The following GALNT18 variants were observed in gnomAD, a reference collection of about 807,000 sequenced individuals.
GALNT18 encodes the protein GalNAc-transferase 18.
In GALNT18, 44 loss-of-function variants were observed where a neutral mutation model predicts 69.5. The ratio of observed to expected loss-of-function variants is 0.63; its 90% confidence interval spans 0.50 to 0.81. The LOEUF (loss-of-function observed/expected upper bound fraction) is 0.81. Ranked by LOEUF, GALNT18 falls within the 40% of genes least tolerant of loss-of-function variation. The pLI is 0.00. For missense variants in GALNT18, 715 were observed against 810.0 expected (o/e 0.88, Z 1.42); for synonymous variants, 364 against 318.2 (o/e 1.14, Z -1.53).
At position 11,462,296 on chromosome 11, in the gene GALNT18, C is replaced by A. The variant is rs1173450097; in HGVS notation, c.236-13360G>T. 2.2e-5 allele frequency among the ~76,000 whole-genome samples: 3 copies of A among 138,230 alleles called. No individual in the cohort carries two copies. The Middle Eastern group carries it at 0.011, about 512-fold the overall frequency. The allele number at this position is 138,230 out of a possible 152,430, so 90.7% of individuals were successfully genotyped here. On this transcript the variant is annotated intron_variant, in intron 1 of 10. Coordinates refer to ENST00000227756, the MANE Select transcript of GALNT18 (RefSeq NM_198516.3). ...TTTCTTTTTTTTTTTTTTTCCTTTG[C>A]GATGGAGTCTTGCTCTGTCGCCCAG... is the stretch of plus-strand genomic sequence containing the variant.
intron 3 of GALNT18, among the ~76,000 whole-genome samples, chr11:11,380,798 G>A (rs1182044430): frequency 6.6e-6 from 1 of 152,174 alleles, no homozygotes; most frequent in Non-Finnish European, 1.5e-5. Flanking sequence ...TTCTTTGGAG[G>A]TCAAAGTGTT....
At position 11,546,473 on chromosome 11, in the gene GALNT18, A is replaced by T. The variant is rs898496068; in HGVS notation, c.235+74886T>A. Among the ~76,000 whole-genome samples the T allele has an allele frequency of 1.3e-5, 2 of 152,202 alleles. No individual in the cohort carries two copies. The highest frequency in any genetic ancestry group is 4.1e-4 in the South Asian group (2 of 4,828). ...ACTTGAGGACATCCCAGCGCTTATC[A>T]TCTCAGAACCTACAATCCCGTCTCT... On this transcript the variant is annotated intron_variant, in intron 1 of 10. Coordinates refer to ENST00000227756, the MANE Select transcript of GALNT18 (RefSeq NM_198516.3). This position sits in a 1 kb window ranked among gnomAD's most constrained non-coding sequence, Gnocchi z 5.8.
rs772358237 is a variant in GALNT18 at position 11,543,379 on chromosome 11, G to A, written c.235+77980C>T. On this transcript the variant is annotated intron_variant, in intron 1 of 10. Transcript: ENST00000227756. This position sits in a 1 kb window ranked among gnomAD's most constrained non-coding sequence, Gnocchi z 5.1. ...CCACCTCAGCTGGAGTGACAGGGAC[G>A]TGGTGAGGACAAAGGAGCCTCGATG... 2.0e-4 allele frequency among the ~76,000 whole-genome samples: 30 copies of A among 152,176 alleles called. No individual in the cohort carries two copies. Among genetic ancestry groups the A allele is most frequent in the African/African-American group, 4.1e-4 (17 of 41,448 alleles).
At position 11,320,011 on chromosome 11, in the gene GALNT18, C is replaced by G. The variant is rs1427362107; in HGVS notation, c.1512+7075G>C. Among the ~76,000 whole-genome samples the G allele has an allele frequency of 6.6e-6, 1 of 152,060 alleles. No individual in the cohort carries two copies. Among genetic ancestry groups the G allele is most frequent in the Non-Finnish European group, 1.5e-5 (1 of 68,014 alleles). ...CAAAGTTAGTACTACTATATTCTCT[C>G]TTATGCTGCTACAAGCCAAGGGACC... On this transcript the variant is annotated intron_variant, in intron 9 of 10. Coordinates refer to ENST00000227756, the MANE Select transcript of GALNT18 (RefSeq NM_198516.3). This position sits in a 1 kb window ranked among gnomAD's most constrained non-coding sequence, Gnocchi z 4.9.
chr11:11,510,538 C>T (rs773425508), intron 1 of GALNT18, among the ~76,000 whole-genome samples: 1 of 152,222 alleles, frequency 6.6e-6, no homozygotes, highest in Non-Finnish European at 1.5e-5. Context: ...ATGCAAGGCA[C>T]TCATGCCTTT....
chr11:11,317,772 A>T (rs145583165), intron 9 of GALNT18, among the ~76,000 whole-genome samples: 1 of 152,200 alleles, frequency 6.6e-6, no homozygotes, highest in Non-Finnish European at 1.5e-5. Context: ...TTGCCAGACC[A>T]AGCTTCTTCT....
chr11:11,473,544 T>TGATG (rs148629647), intron 1 of GALNT18, among the ~76,000 whole-genome samples: 2 of 152,074 alleles, frequency 1.3e-5, no homozygotes, highest in Non-Finnish European at 2.9e-5. Context: ...GATGGCAGAG[T>TGATG]GTGCAGACGG....
At chr11:11,417,106 T>C (rs1375243487) in intron 3 of GALNT18, among the ~76,000 whole-genome samples, 6 of 152,202 alleles carry the variant, frequency 3.9e-5, no homozygotes, top group Admixed American at 3.9e-4. Flanking sequence ...GGGAAGTGAC[T>C]CACCCAGGAT....
chr11:11,332,831 C>T lies in GALNT18; in HGVS notation c.1279G>A (p.Asp427Asn). Residue 427 changes from aspartate (D) to asparagine (N), a missense_variant and splice_region_variant, in exon 8 of 11, where the codon GAC becomes AAC. Coordinates refer to ENST00000227756, the MANE Select transcript of GALNT18 (RefSeq NM_198516.3). This position sits in a 1 kb window ranked among gnomAD's most constrained non-coding sequence, Gnocchi z 4.3. Reference sequence around the variant, plus strand: ...ATGTCCCCAATGTCAATTCCTGAGTCCTGCACAGGGACGCAGAAGCAGAGA... The same window carrying T: ...ATGTCCCCAATGTCAATTCCTGAGTTCTGCACAGGGACGCAGAAGCAGAGA... ...VYMAWNIPQEDSGIDIGDITA... is the reference protein window; with the variant it reads ...VYMAWNIPQENSGIDIGDITA... 1.2e-6 allele frequency: 2 copies of T among 1,613,096 alleles called. No individual in the cohort carries two copies. Among genetic ancestry groups the T allele is most frequent in the Non-Finnish European group, 1.7e-6 (2 of 1,179,972 alleles).
intron 1 of GALNT18, among the ~76,000 whole-genome samples, chr11:11,529,097 G>A (rs1432581144): frequency 6.6e-6 from 1 of 152,192 alleles, no homozygotes; most frequent in Non-Finnish European, 1.5e-5. Context: ...AAAAGTTCCA[G>A]GAGGTACTAC....
intron 5 of GALNT18, among the ~76,000 whole-genome samples, chr11:11,376,640 C>G (rs1047164790): frequency 2.6e-5 from 4 of 152,160 alleles, no homozygotes; most frequent in African/African-American, 9.7e-5. Context: ...CCCCTCCACC[C>G]CTACTGCCGG....
At chr11:11,536,048 G>A (rs112987841) in intron 1 of GALNT18, among the ~76,000 whole-genome samples, 3,711 of 152,258 alleles carry the variant, frequency 0.024, 147 homozygotes, top group African/African-American at 0.084. Flanking sequence ...TCATGGTTTA[G>A]TCTAAGCAAG....
At position 11,591,763 on chromosome 11, in the gene GALNT18, C is replaced by A. The variant is rs1182282102; in HGVS notation, c.235+29596G>T. Among the ~76,000 whole-genome samples the A allele has an allele frequency of 6.6e-6, 1 of 152,162 alleles. No individual in the cohort carries two copies. Among genetic ancestry groups the A allele is most frequent in the Non-Finnish European group, 1.5e-5 (1 of 68,028 alleles). On this transcript the variant is annotated intron_variant, in intron 1 of 10. Coordinates refer to ENST00000227756, the MANE Select transcript of GALNT18 (RefSeq NM_198516.3). This position sits in a 1 kb window ranked among gnomAD's most constrained non-coding sequence, Gnocchi z 4.8. ...CAGCCATACAGATGTGCTCCCATAC[C>A]CTTTGAAGGGACAAAAATACACACA...
chr11:11,301,571 A>G (rs1332595517), intron 9 of GALNT18, among the ~76,000 whole-genome samples: 2 of 152,188 alleles, frequency 1.3e-5, no homozygotes, highest in African/African-American at 4.8e-5. Flanking sequence ...GTGACGACAT[A>G]CATGTGTAAG....
chr11:11,300,208 C>T (rs1849469874), intron 9 of GALNT18, among the ~76,000 whole-genome samples: 1 of 152,204 alleles, frequency 6.6e-6, no homozygotes, highest in African/African-American at 2.4e-5. Context: ...CTTGACAACT[C>T]TGCTGGCCTA....
At chr11:11,295,201 G>A (rs982043957) in intron 9 of GALNT18, among the ~76,000 whole-genome samples, 5 of 152,126 alleles carry the variant, frequency 3.3e-5, no homozygotes, top group Admixed American at 3.3e-4. Flanking sequence ...TCTTGGGAGG[G>A]GGTGAAGGGC....
At chr11:11,451,867 G>A (rs1389315624) in intron 1 of GALNT18, among the ~76,000 whole-genome samples, 1 of 152,168 alleles carries the variant, frequency 6.6e-6, no homozygotes, top group African/African-American at 2.4e-5. Flanking sequence ...ATAAAGGCCT[G>A]GCTCCTCCAA....
chr11:11,415,283 G>T lies in GALNT18; in HGVS notation c.595+17338C>A, dbSNP rs1466640494. 2.0e-5 allele frequency among the ~76,000 whole-genome samples: 3 copies of T among 152,128 alleles called. No individual in the cohort carries two copies. Among genetic ancestry groups the T allele is most frequent in the Non-Finnish European group, 4.4e-5 (3 of 68,004 alleles). On this transcript the variant is annotated intron_variant, in intron 3 of 10. Coordinates refer to ENST00000227756, the MANE Select transcript of GALNT18 (RefSeq NM_198516.3). This position sits in a 1 kb window ranked among gnomAD's most constrained non-coding sequence, Gnocchi z 4.1. The stretch of plus-strand genomic sequence containing the variant: ...CACAGCAGGACTCAGATTAGTATTT[G>T]CTTGAATAACTCGGCGAAGTGAATA...
At chr11:11,351,798 A>G in intron 6 of GALNT18, 1 of 659,388 alleles carries the variant, frequency 1.5e-6, no homozygotes, top group Non-Finnish European at 2.3e-6. Context: ...ATTTTTTTTT[A>G]TGACTGAACT....
Sources: allele counts gnomAD v4.1 joint callset (sites outside exome capture counted in the v4.1 genomes callset), GRCh38; gene constraint gnomAD v4.1.1; non-coding constraint Gnocchi (gnomAD v3.1); transcripts MANE v1.5; gene names NCBI Gene and HGNC (gene_info 2026-07-23, HGNC 2026-07-21).